The following ANXA6 variants were observed in gnomAD, a reference collection of about 807,000 sequenced individuals.
ANXA6 encodes 67 kDa calelectrin.
Under a neutral mutation model 95.4 loss-of-function variants are expected in ANXA6, and 71 were observed. The ratio of observed to expected loss-of-function variants is 0.74; its 90% CI spans 0.61 to 0.91. The LOEUF is 0.91. Among genes scored for constraint, ANXA6 ranks in the 40% least tolerant of loss-of-function variants. The probability of loss-of-function intolerance (pLI) is 0.00; values close to 1 mark genes in which losing one functional copy is unlikely to be tolerated. For synonymous variants in ANXA6, 289 were observed against 315.9 expected (o/e 0.91, Z 0.90); for missense variants, 830 against 876.4 (o/e 0.95, Z 0.67).
At chr5:151,123,308 C>T (rs768945318) in intron 15 of ANXA6, among the ~76,000 whole-genome samples, 47 of 152,308 alleles carry the variant, frequency 3.1e-4, no homozygotes, top group Non-Finnish European at 5.6e-4. Context: ...AATGGCTGCC[C>T]ACCCTGGGCA....
chr5:151,109,508 T>C (rs1764789088), intron 22 of ANXA6, among the ~76,000 whole-genome samples: 1 of 152,156 alleles, frequency 6.6e-6, no homozygotes, highest in African/African-American at 2.4e-5. Context: ...TGAAATCCAG[T>C]TGCTATACCT....
chr5:151,128,200 G>C lies in ANXA6; in HGVS notation c.958C>G (p.Leu320Val). 2 of 1,612,636 alleles carry C rather than the reference G, an allele frequency of 1.2e-6. No homozygotes were observed. The highest frequency in any genetic ancestry group is 2.7e-5 in the African/African-American group (2 of 75,008). Residue 320 changes from leucine (L) to valine (V), a missense_variant, in exon 13 of 26, where the codon CTG (leucine) becomes GTG (valine). Transcript: ENST00000354546. Reference sequence around the variant, plus strand: ...ACTTACTCATCATCTCCCCCAGACAGCTTCAGCAGAGTCTTCTTGTACTCG... The same window carrying C: ...ACTTACTCATCATCTCCCCCAGACACCTTCAGCAGAGTCTTCTTGTACTCG... ...SGEYKKTLLK[L>V]SGGDDDAAGQ...
At chr5:151,117,518 G>A (rs963098551) in intron 19 of ANXA6, among the ~76,000 whole-genome samples, 1 of 152,174 alleles carries the variant, frequency 6.6e-6, no homozygotes, top group Non-Finnish European at 1.5e-5. Flanking sequence ...TGAGCTGGGG[G>A]CCCAACAAGC....
chr5:151,110,693 A>G (rs1764825288), intron 20 of ANXA6, 49 bp from the exon 21 acceptor site: 1 of 1,609,368 alleles, frequency 6.2e-7, no homozygotes, highest in African/African-American at 1.3e-5. Flanking sequence ...GGCAAGAGTC[A>G]GAGGAGGTTG....
intron 7 of ANXA6, among the ~76,000 whole-genome samples, chr5:151,135,677 A>G (rs1765637962): frequency 6.6e-6 from 1 of 152,244 alleles, no homozygotes; most frequent in Non-Finnish European, 1.5e-5. Context: ...GTCGTGCAGA[A>G]TGCAGGTCTG....
intron 16 of ANXA6, among the ~76,000 whole-genome samples, chr5:151,122,684 T>G (rs1461754468): frequency 1.3e-5 from 2 of 152,232 alleles, no homozygotes; most frequent in African/African-American, 2.4e-5. Flanking sequence ...GCTGTGCCTC[T>G]GAGTCCACTG....
Position 151,138,773 on chromosome 5 carries a change from T to G in ANXA6, c.223A>C (p.Lys75Gln), listed in dbSNP as rs1191374239. ...LYGKDLIADL[K>Q]YELTGKFERL... ...TCAAACTTGCCCGTCAATTCATACT[T>G]TAAATCAGCAATGAGGTCCTGGCAG... Residue 75 changes from lysine to glutamine, a missense_variant, in exon 5 of 26, where the codon AAG becomes CAG. Transcript: ENST00000354546. 6.2e-7 allele frequency: 1 copy of G among 1,613,636 alleles called. No individual in the cohort carries two copies. Among genetic ancestry groups the G allele is most frequent in the Non-Finnish European group, 8.5e-7 (1 of 1,179,650 alleles).
chr5:151,108,831 C>G (rs2113896510), intron 22 of ANXA6, among the ~76,000 whole-genome samples: 1 of 152,324 alleles, frequency 6.6e-6, no homozygotes, highest in Middle Eastern at 3.4e-3. Flanking sequence ...GGAACCCAGG[C>G]TGGGGTAGTA....
intron 7 of ANXA6, among the ~76,000 whole-genome samples, chr5:151,135,155 C>A (rs1194523245): frequency 1.3e-5 from 2 of 152,204 alleles, no homozygotes; most frequent in Admixed American, 6.5e-5. Flanking sequence ...CTATGGCCAT[C>A]CCCTCTTCCC....
At chr5:151,142,552 T>G (rs1234051097) in intron 2 of ANXA6, among the ~76,000 whole-genome samples, 1 of 151,924 alleles carries the variant, frequency 6.6e-6, no homozygotes, top group East Asian at 1.9e-4. Flanking sequence ...CTTAAAGACC[T>G]TTTAGTTCAG....
Position 151,133,184 on chromosome 5 carries a change from G to C in ANXA6, c.550C>G (p.Leu184Val). Residue 184 changes from leucine (L) to valine (V), a missense_variant, in exon 9 of 26, where the codon CTA becomes GTA. Leu to Val is a conservative substitution (Grantham distance 32). Transcript: ENST00000354546. ...EDLVQQDVQD[L>V]YEAGELKWGT... ...CATTTCAGTTCCCCTGCCTCGTATA[G>C]GTCCTGAAGGGGAAGAGGTGGCACT... 3.2e-6 allele frequency: 5 copies of C among 1,577,030 alleles called. No homozygotes were observed. Among genetic ancestry groups the C allele is most frequent in the Non-Finnish European group, 4.3e-6 (5 of 1,160,078 alleles).
intron 23 of ANXA6, among the ~76,000 whole-genome samples, chr5:151,108,003 T>C (rs904029784): frequency 2.6e-5 from 4 of 151,952 alleles, no homozygotes; most frequent in Non-Finnish European, 4.4e-5. Context: ...TGTATGTGTA[T>C]ATATAATGTG....
chr5:151,116,071 T>G (rs555829535), intron 20 of ANXA6, among the ~76,000 whole-genome samples: 12 of 152,338 alleles, frequency 7.9e-5, no homozygotes, highest in African/African-American at 2.6e-4. Flanking sequence ...CAATATATAG[T>G]ATGCATTCTA....
At chr5:151,133,746 C>T (rs571508625) in intron 8 of ANXA6, among the ~76,000 whole-genome samples, 1 of 152,164 alleles carries the variant, frequency 6.6e-6, no homozygotes, top group Non-Finnish European at 1.5e-5. Context: ...GGAGAAACTC[C>T]TACTCAACCT....
intron 20 of ANXA6, among the ~76,000 whole-genome samples, chr5:151,113,746 GTTAAAC>G (rs1347479863): frequency 2.0e-5 from 3 of 152,160 alleles, no homozygotes; most frequent in Non-Finnish European, 4.4e-5. Flanking sequence ...TCCTCAAATG[GTTAAAC>G]TTAGAGTTCT....
At chr5:151,148,275 T>C (rs1766020079) in intron 1 of ANXA6, among the ~76,000 whole-genome samples, 1 of 152,152 alleles carries the variant, frequency 6.6e-6, no homozygotes, top group Non-Finnish European at 1.5e-5. Flanking sequence ...CATCAGATTC[T>C]CCTTTTTTAT....
intron 23 of ANXA6, among the ~76,000 whole-genome samples, chr5:151,105,946 C>A (rs948823115): frequency 6.6e-6 from 1 of 152,116 alleles, no homozygotes; most frequent in Admixed American, 6.5e-5. Flanking sequence ...ACTTTTGCAC[C>A]AACCTAACAG....
intron 12 of ANXA6, 118 bp from the exon 13 acceptor site, chr5:151,128,357 C>G: frequency 1.2e-6 from 1 of 847,840 alleles, no homozygotes; most frequent in Non-Finnish European, 1.9e-6. Context: ...TTATTCATAG[C>G]AGCCCTGGCC....
chr5:151,103,596 C>T lies in ANXA6; in HGVS notation c.1936G>A (p.Asp646Asn). 5.0e-6 allele frequency: 8 copies of T among 1,612,680 alleles called. No individual in the cohort carries two copies. The highest frequency in any genetic ancestry group is 6.8e-6 in the Non-Finnish European group (8 of 1,179,378). ...TCAATGGCTTGGTGGAGAGACTTGT[C>T]ATATTTCTCAATGAATTCCCTCCGG... is the stretch of plus-strand genomic sequence containing the variant. ...NIRREFIEKY[D>N]KSLHQAIEGD... is the part of the protein sequence containing the mutation. The change falls in exon 25 of 26, where the codon GAC (aspartate) becomes AAC (asparagine). Residue 646 changes from aspartate to asparagine, a missense_variant. By Grantham distance (23) the Asp-to-Asn change is conservative. Transcript: ENST00000354546.
Sources: gnomAD v4.1 joint callset for allele counts (sites outside exome capture counted in the v4.1 genomes callset) on GRCh38, gnomAD v4.1.1 for gene constraint, MANE v1.5 for transcripts, NCBI Gene and HGNC (gene_info 2026-07-23, HGNC 2026-07-21) for gene names.